HSD17B12: variants seen among roughly 807,000 people sequenced by gnomAD.
HSD17B12 encodes very-long-chain 3-oxoacyl-CoA reductase.
In HSD17B12, 32 loss-of-function variants were observed where a neutral mutation model predicts 39.3. The observed-to-expected ratio is 0.81, with a 90% CI of 0.61 to 1.09. The LOEUF (loss-of-function observed/expected upper bound fraction) is 1.09. Among genes scored for constraint, HSD17B12 ranks in the 50% least tolerant of loss-of-function variants. HSD17B12 has a pLI of 0.00. For synonymous variants in HSD17B12, 150 were observed against 146.7 expected, an observed-to-expected ratio of 1.02 and a Z score of -0.16; for missense variants, 342 against 382.9, an observed-to-expected ratio of 0.89 and a Z score of 0.89.
chr11:43,832,523 G>T (rs190542596), intron 7 of HSD17B12, among the ~76,000 whole-genome samples: 2 of 152,136 alleles, frequency 1.3e-5, no homozygotes. Flanking sequence ...AAAAATAGAG[G>T]CCCAAAGAGA....
intron 7 of HSD17B12, among the ~76,000 whole-genome samples, chr11:43,832,410 T>C (rs1288676540): frequency 6.6e-6 from 1 of 152,202 alleles, no homozygotes; most frequent in Non-Finnish European, 1.5e-5. Flanking sequence ...AAAGAGATAA[T>C]GGTTGCAAAA....
chr11:43,596,105 G>GA, the HSD17B12 span, among the ~76,000 whole-genome samples: 2 of 152,134 alleles, frequency 1.3e-5, no homozygotes, highest in Non-Finnish European at 2.9e-5. Context: ...TGGCCAGGCT[G>GA]GTCTGAAACT....
At chr11:43,619,183 A>AAAT in the HSD17B12 span, among the ~76,000 whole-genome samples, 9 of 75,566 alleles carry the variant, frequency 1.2e-4, no homozygotes, top group Admixed American at 3.9e-4. Context: ...ATATATATAA[A>AAAT]ATATATATAT....
chr11:43,694,824 T>G (rs942351376), intron 1 of HSD17B12, among the ~76,000 whole-genome samples: 3 of 152,124 alleles, frequency 2.0e-5, no homozygotes, highest in African/African-American at 7.2e-5. Flanking sequence ...AAAAAAAATC[T>G]GTAAGAAAAG....
At chr11:43,793,490 G>T (rs749804985) in intron 3 of HSD17B12, among the ~76,000 whole-genome samples, 1 of 152,108 alleles carries the variant, frequency 6.6e-6, no homozygotes, top group East Asian at 1.9e-4. Flanking sequence ...CTTGAGGAAA[G>T]TCCTTCTAAA....
chr11:43,656,246 C>A, the HSD17B12 span, among the ~76,000 whole-genome samples: 1 of 148,496 alleles, frequency 6.7e-6, no homozygotes, highest in Non-Finnish European at 1.5e-5. Flanking sequence ...GGGATCATTT[C>A]CCCCCTTTGT....
At chr11:43,642,333 T>C in the HSD17B12 span, among the ~76,000 whole-genome samples, 1 of 151,746 alleles carries the variant, frequency 6.6e-6, no homozygotes, top group East Asian at 1.9e-4. Flanking sequence ...TTCTAAGTTA[T>C]TTTTAAAAGA....
chr11:43,766,707 T>C (rs559704639), intron 3 of HSD17B12, among the ~76,000 whole-genome samples: 1 of 152,326 alleles, frequency 6.6e-6, no homozygotes, highest in South Asian at 2.1e-4. Flanking sequence ...TTAGTAAGTA[T>C]TGTTTTGGTG....
At chr11:43,563,352 T>A in the HSD17B12 span, among the ~76,000 whole-genome samples, 8 of 152,350 alleles carry the variant, frequency 5.3e-5, no homozygotes, top group South Asian at 1.2e-3. Flanking sequence ...TGTTATGCAA[T>A]GATAAAGCCC....
At chr11:43,619,809 T>C in the HSD17B12 span, among the ~76,000 whole-genome samples, 1 of 152,250 alleles carries the variant, frequency 6.6e-6, no homozygotes, top group Non-Finnish European at 1.5e-5. Flanking sequence ...ACTTGCTTCT[T>C]GGAACATCTT....
At chr11:43,680,173 T>G (rs1949726964), upstream of HSD17B12, among the ~76,000 whole-genome samples, 1 of 31,196 alleles carries the variant, frequency 3.2e-5, no homozygotes, top group Admixed American at 5.9e-4. Flanking sequence ...CCTCCCGGGT[T>G]CGTGATTCTC....
the HSD17B12 span, among the ~76,000 whole-genome samples, chr11:43,665,840 T>C: frequency 1.3e-5 from 2 of 152,298 alleles, no homozygotes; most frequent in East Asian, 1.9e-4. Flanking sequence ...TCCCAGCTAA[T>C]TGAGAGAAAC....
the HSD17B12 span, chr11:43,556,819 A>G: frequency 2.0e-5 from 3 of 150,420 alleles, no homozygotes; most frequent in African/African-American, 7.4e-5. Flanking sequence ...TGCGTGGTGC[A>G]TTTAAAATGC....
At chr11:43,624,082 G>A in the HSD17B12 span, among the ~76,000 whole-genome samples, 1 of 151,818 alleles carries the variant, frequency 6.6e-6, no homozygotes, top group Non-Finnish European at 1.5e-5. Context: ...TACCTAAAAA[G>A]AAGATTTGAG....
intron 1 of HSD17B12, among the ~76,000 whole-genome samples, chr11:43,744,530 G>T (rs947584014): frequency 6.6e-6 from 1 of 152,066 alleles, no homozygotes; most frequent in Non-Finnish European, 1.5e-5. Context: ...TTAGAAAATA[G>T]ACTTTTTACA....
At chr11:43,625,474 A>G in the HSD17B12 span, among the ~76,000 whole-genome samples, 1 of 151,448 alleles carries the variant, frequency 6.6e-6, no homozygotes, top group Non-Finnish European at 1.5e-5. Context: ...AACTTTGATT[A>G]TTAACAAATA....
intron 3 of HSD17B12, among the ~76,000 whole-genome samples, chr11:43,765,045 C>T (rs1222923622): frequency 2.6e-5 from 4 of 151,816 alleles, no homozygotes; most frequent in Non-Finnish European, 5.9e-5. Context: ...TTTCTATCCT[C>T]GGTTTGCTGA....
chr11:43,734,402 T>C, intron 1 of HSD17B12: 4 of 798,390 alleles, frequency 5.0e-6, no homozygotes, highest in Non-Finnish European at 9.0e-6. Context: ...TGAGGGTGAC[T>C]CTAAGGCAGC....
chr11:43,776,092 A>T (rs1269760118), intron 3 of HSD17B12, among the ~76,000 whole-genome samples: 2 of 152,178 alleles, frequency 1.3e-5, no homozygotes, highest in African/African-American at 4.8e-5. Context: ...TTATAGCAGC[A>T]TGATTTATAG....
Sources: gnomAD v4.1 joint callset for allele counts (sites outside exome capture counted in the v4.1 genomes callset) on GRCh38, gnomAD v4.1.1 for gene constraint, MANE v1.5 for transcripts, NCBI Gene and HGNC (gene_info 2026-07-23, HGNC 2026-07-21) for gene names.